Variants in ANKFY1 observed in about 807,000 individuals in gnomAD.
The protein encoded by ANKFY1 is ankyrin repeat and FYVE domain-containing protein 1.
Under a neutral mutation model 128.3 loss-of-function variants are expected in ANKFY1, and 47 were observed. The ratio of observed to expected loss-of-function variants is 0.37; its 90% CI spans 0.29 to 0.47. ANKFY1 has a LOEUF of 0.47. Among genes scored for constraint, ANKFY1 ranks in the 20% least tolerant of loss-of-function variants. The probability of loss-of-function intolerance (pLI) is 1.00; values close to 1 mark genes in which losing one functional copy is unlikely to be tolerated. For synonymous variants in ANKFY1, 553 were observed against 601.6 expected (o/e 0.92, Z 1.18); for missense variants, 1,222 against 1,510.6 (o/e 0.81, Z 3.17).
chr17:4,232,101 T>C (rs2060523300), intron 3 of ANKFY1, among the ~76,000 whole-genome samples: 1 of 152,214 alleles, frequency 6.6e-6, no homozygotes, highest in South Asian at 2.1e-4. Context: ...CACTCAATGT[T>C]TTTTATATGA....
At chr17:4,236,964 C>T (rs1966936976) in intron 2 of ANKFY1, among the ~76,000 whole-genome samples, 1 of 151,890 alleles carries the variant, frequency 6.6e-6, no homozygotes, top group Non-Finnish European at 1.5e-5. Context: ...AGTGAAACCC[C>T]GTCTCTACTA....
intron 10 of ANKFY1, among the ~76,000 whole-genome samples, chr17:4,194,110 T>A (rs1425075312): frequency 5.4e-4 from 74 of 136,256 alleles, no homozygotes; most frequent in African/African-American, 1.4e-3. Flanking sequence ...TATATTTTTT[T>A]TTTTTTTTTT....
At chr17:4,221,288 T>C (rs1167220169) in intron 3 of ANKFY1, among the ~76,000 whole-genome samples, 1 of 152,148 alleles carries the variant, frequency 6.6e-6, no homozygotes, top group African/African-American at 2.4e-5. Flanking sequence ...CACAGCTTAC[T>C]ACAGCCTCGA....
chr17:4,227,805 G>A (rs879363437), intron 3 of ANKFY1, among the ~76,000 whole-genome samples: 1 of 152,172 alleles, frequency 6.6e-6, no homozygotes, highest in African/African-American at 2.4e-5. Context: ...AAACTGCCAT[G>A]CACTCTGTAT....
chr17:4,238,631 G>A (rs1251365814), intron 2 of ANKFY1, among the ~76,000 whole-genome samples: 1 of 151,702 alleles, frequency 6.6e-6, no homozygotes, highest in Non-Finnish European at 1.5e-5. Context: ...GCGCCACCAC[G>A]CTCCGCCTAT....
At chr17:4,231,426 C>T (rs538802500) in intron 3 of ANKFY1, among the ~76,000 whole-genome samples, 21 of 152,134 alleles carry the variant, frequency 1.4e-4, no homozygotes, top group Non-Finnish European at 2.4e-4. Flanking sequence ...GAGTTCAAGG[C>T]TTCAGTGAGC....
At chr17:4,208,369 G>A (rs1189152243) in intron 5 of ANKFY1, among the ~76,000 whole-genome samples, 1 of 152,160 alleles carries the variant, frequency 6.6e-6, no homozygotes, top group African/African-American at 2.4e-5. Flanking sequence ...CTCTCCTCCA[G>A]CATTACTGTG....
At chr17:4,197,091 C>T (rs1192035405) in intron 8 of ANKFY1, among the ~76,000 whole-genome samples, 1 of 152,138 alleles carries the variant, frequency 6.6e-6, no homozygotes, top group African/African-American at 2.4e-5. Flanking sequence ...TGCGCTCCAG[C>T]CTGGGTGACA....
At chr17:4,170,990 G>C in intron 22 of ANKFY1, 129 bp from the exon 23 acceptor site, 1 of 1,354,880 alleles carries the variant, frequency 7.4e-7, no homozygotes, top group South Asian at 1.3e-5. Context: ...AGTCCCCACA[G>C]ACATACGGGG....
intron 2 of ANKFY1, among the ~76,000 whole-genome samples, chr17:4,241,093 T>C (rs2081215283): frequency 6.6e-6 from 1 of 152,188 alleles, no homozygotes; most frequent in South Asian, 2.1e-4. Context: ...AACTGAGCGC[T>C]TACTATGTGC....
Position 4,177,210 on chromosome 17 carries a change from C to A in ANKFY1, c.2691G>T (p.Val897=). The change falls in exon 19 of 25, where the codon GTG becomes GTT. Residue 897 remains valine (V), a synonymous_variant. Coordinates refer to ENST00000341657, the MANE Select transcript of ANKFY1 (RefSeq NM_001330063.2). ...TGGAGGCATCCTGGACTCTTGAATT[C>A]ACATTAGCGTGGACACTGATCAGGA... is the stretch of plus-strand genomic sequence containing the variant. The part of the protein sequence containing the change: ...VLFLISVHAN[V]NSRVQDASKL... The A allele has an allele frequency of 5.0e-6, 8 of 1,609,674 alleles. No individual in the cohort carries two copies. Among genetic ancestry groups the A allele is most frequent in the Non-Finnish European group, 5.9e-6 (7 of 1,177,790 alleles).
intron 7 of ANKFY1, among the ~76,000 whole-genome samples, chr17:4,205,567 C>A (rs1253342928): frequency 6.6e-6 from 1 of 151,942 alleles, no homozygotes; most frequent in African/African-American, 2.4e-5. Flanking sequence ...ACGGTGACAC[C>A]CCGTCTCTAC....
intron 3 of ANKFY1, among the ~76,000 whole-genome samples, chr17:4,227,704 G>C (rs2060447720): frequency 6.6e-6 from 1 of 152,090 alleles, no homozygotes; most frequent in Admixed American, 6.5e-5. Context: ...ATTTTGAAAA[G>C]GCCAAAGATG....
intron 22 of ANKFY1, among the ~76,000 whole-genome samples, 154 bp from the exon 23 acceptor site, chr17:4,171,015 G>T (rs1238815481): frequency 6.6e-6 from 1 of 152,258 alleles, no homozygotes; most frequent in Non-Finnish European, 1.5e-5. Context: ...CGAGGCTCTG[G>T]AGAGAACTGT....
intron 24 of ANKFY1, 123 bp from the exon 25 acceptor site, chr17:4,168,034 C>T (rs2059242537): frequency 9.9e-7 from 1 of 1,008,010 alleles, no homozygotes; most frequent in African/African-American, 1.6e-5. Flanking sequence ...TCTGGCAACT[C>T]TGCCAACTGC....
chr17:4,238,184 A>C (rs1187275167), intron 2 of ANKFY1, among the ~76,000 whole-genome samples: 1 of 148,932 alleles, frequency 6.7e-6, no homozygotes, highest in East Asian at 2.0e-4. Flanking sequence ...AAAGGCTACC[A>C]GTTTCTTCCA....
chr17:4,203,888 A>T (rs1432015152), intron 7 of ANKFY1, among the ~76,000 whole-genome samples: 1 of 150,728 alleles, frequency 6.6e-6, no homozygotes, highest in African/African-American at 2.4e-5. Context: ...GATGTTGGTT[A>T]TTAAGGTAAA....
At position 4,197,394 on chromosome 17, in the gene ANKFY1, T is replaced by C. The variant is rs1446783211; in HGVS notation, c.1082A>G (p.Asn361Ser). 3 of 1,614,192 alleles carry C rather than the reference T, an allele frequency of 1.9e-6. No homozygotes were observed. Among genetic ancestry groups the C allele is most frequent in the Non-Finnish European group, 8.5e-7 (1 of 1,180,022 alleles). ...TTACCTCCCCTTGCTGTCCTGCATG[T>C]TGGGGTTGGCACCAGCCTGCAGAAG... ...EALLQAGANPNMQDSKGRTPL... is the reference protein window; with the variant it reads ...EALLQAGANPSMQDSKGRTPL... The change falls in exon 8 of 25, where the codon AAC (asparagine) becomes AGC (serine). Residue 361 changes from asparagine (N) to serine (S), a missense_variant. Transcript: ENST00000341657.
intron 3 of ANKFY1, among the ~76,000 whole-genome samples, chr17:4,234,705 C>G (rs1278662495): frequency 6.6e-6 from 1 of 152,092 alleles, no homozygotes; most frequent in Non-Finnish European, 1.5e-5. Flanking sequence ...GCTGCAGAGA[C>G]AGGGTCTTCC....
Sources: gnomAD v4.1 joint callset for allele counts (sites outside exome capture counted in the v4.1 genomes callset) on GRCh38, gnomAD v4.1.1 for gene constraint, MANE v1.5 for transcripts, NCBI Gene and HGNC (gene_info 2026-07-23, HGNC 2026-07-21) for gene names.